CEACAM18: variants seen among roughly 807,000 people sequenced by gnomAD.
The protein encoded by CEACAM18 is CEA cell adhesion molecule 18.
In CEACAM18, 33 loss-of-function variants were observed where a neutral mutation model predicts 34.3. The ratio of observed to expected loss-of-function variants is 0.96; its 90% CI spans 0.73 to 1.29. The LOEUF (loss-of-function observed/expected upper bound fraction) is 1.29. Ranked by LOEUF, CEACAM18 falls within the 50% of genes most tolerant of loss-of-function variation. The probability of loss-of-function intolerance (pLI) is 0.00; values close to 1 mark genes in which losing one functional copy is unlikely to be tolerated. For missense variants in CEACAM18, 474 were observed against 485.0 expected (o/e 0.98, Z 0.21); for synonymous variants, 169 against 180.9 (o/e 0.93, Z 0.53).
chr19:51,480,291 C>G, intron 1 of CEACAM18, 42 bp from the exon 2 acceptor site: 1 of 1,467,182 alleles, frequency 6.8e-7, no homozygotes, highest in Non-Finnish European at 9.3e-7. Context: ...GTCTGAATCT[C>G]TTTGTGAATT....
chr19:51,483,326 T>G (rs1160950052), intron 4 of CEACAM18, 30 bp downstream of exon 4: 1 of 1,612,894 alleles, frequency 6.2e-7, no homozygotes, highest in South Asian at 1.1e-5. Context: ...GGCTCATGCT[T>G]TGCACATCTC....
intron 4 of CEACAM18, 60 bp from the exon 5 acceptor site, chr19:51,484,927 T>G (rs1289880294): frequency 2.0e-6 from 3 of 1,529,552 alleles, no homozygotes; most frequent in Non-Finnish European, 2.6e-6. Context: ...GGTGAAGAGA[T>G]GAGTGAATGC....
At position 51,480,510 on chromosome 19, in the gene CEACAM18, A is replaced by AACCG. The variant is rs1320947133; in HGVS notation, c.231_234dup (p.Pro79ThrfsTer32). On this transcript the variant is annotated frameshift_variant, in exon 2 of 6. Transcript: ENST00000396477. LOFTEE classifies it high-confidence loss of function. Reference sequence around the variant, plus strand: ...GCAGGAAACATGATTATCAGCCACAAACCGCCCAGTGCCCAGCAGCCTGGG... The same window carrying AACCG: ...GCAGGAAACATGATTATCAGCCACAAACCGACCGCCCAGTGCCCAGCAGCCTGGG... The AACCG allele has an allele frequency of 1.2e-6, 2 of 1,613,872 alleles. No individual in the cohort carries two copies. Among genetic ancestry groups the AACCG allele is most frequent in the African/African-American group, 1.3e-5 (1 of 74,922 alleles).
chr19:51,478,615 C>T (rs779284544), upstream of CEACAM18: 5 of 1,574,174 alleles, frequency 3.2e-6, no homozygotes, highest in African/African-American at 4.1e-5. Context: ...TGGAGGGACC[C>T]CTCCTCCTGG....
exon 4 of CEACAM18, chr19:51,483,111 C>G (rs370402442): frequency 1.2e-6 from 2 of 1,614,036 alleles, no homozygotes; most frequent in Non-Finnish European, 1.7e-6. Flanking sequence ...TGGAGTGTAT[C>G]TGCTATTCCT....
At chr19:51,482,527 C>G (rs1234279127) in intron 3 of CEACAM18, among the ~76,000 whole-genome samples, 1 of 152,176 alleles carries the variant, frequency 6.6e-6, no homozygotes, top group Non-Finnish European at 1.5e-5. Context: ...GGCTTGGAAC[C>G]AAGACCCAGG....
At chr19:51,486,142 T>C (rs1274776463) in intron 5 of CEACAM18, among the ~76,000 whole-genome samples, 1 of 152,076 alleles carries the variant, frequency 6.6e-6, no homozygotes, top group East Asian at 1.9e-4. Flanking sequence ...GTGGTGGTGA[T>C]AGTGGTGATG....
At chr19:51,490,184 T>C (rs960930892) in intron 5 of CEACAM18, among the ~76,000 whole-genome samples, 3 of 152,334 alleles carry the variant, frequency 2.0e-5, no homozygotes, top group African/African-American at 7.2e-5. Context: ...GTATCTGTCT[T>C]GCTTGGCTGT....
intron 5 of CEACAM18, 115 bp downstream of exon 5, chr19:51,485,237 T>C: frequency 9.1e-7 from 1 of 1,096,184 alleles, no homozygotes; most frequent in Non-Finnish European, 1.3e-6. Context: ...AGCCAGGAAC[T>C]AGGTTGTCAG....
intron 5 of CEACAM18, among the ~76,000 whole-genome samples, chr19:51,489,619 C>T (rs938974447): frequency 6.6e-6 from 1 of 152,052 alleles, no homozygotes; most frequent in Non-Finnish European, 1.5e-5. Flanking sequence ...ATTATATGGT[C>T]CCTTCACCAA....
exon 2 of CEACAM18, chr19:51,480,482 A>C: frequency 6.2e-7 from 1 of 1,613,958 alleles, no homozygotes; most frequent in Non-Finnish European, 8.5e-7. Context: ...TGCAAACGAC[A>C]GCGCAGGAAA....
intron 5 of CEACAM18, among the ~76,000 whole-genome samples, chr19:51,486,238 T>C (rs1175220987): frequency 6.6e-6 from 1 of 152,038 alleles, no homozygotes; most frequent in Non-Finnish European, 1.5e-5. Flanking sequence ...ATGGCCATAA[T>C]GGTGACAATA....
chr19:51,480,769 C>T, intron 2 of CEACAM18, 89 bp downstream of exon 2: 4 of 1,225,092 alleles, frequency 3.3e-6, no homozygotes, highest in Non-Finnish European at 3.4e-6. Context: ...AGCATGACAC[C>T]GGGAGTGGAA....
rs1441557347 is a variant in CEACAM18, at chr19:51,479,326, T to C, written c.52+632T>C. Among the ~76,000 whole-genome samples the C allele has an allele frequency of 2.0e-5, 3 of 152,128 alleles. No homozygotes were observed. In the East Asian group the frequency reaches 5.8e-4, roughly 29 times the overall value. On this transcript the variant is annotated intron_variant, in intron 1 of 5. Coordinates refer to ENST00000396477, the Ensembl canonical transcript of CEACAM18. ...GGACAACTGCCCATGTCATATGTGG[T>C]AACAGGCTGCCGCCTCCATTCACAC...
chr19:51,479,955 G>A (rs1989880785), intron 1 of CEACAM18, among the ~76,000 whole-genome samples: 1 of 152,218 alleles, frequency 6.6e-6, no homozygotes, highest in African/African-American at 2.4e-5. Context: ...GGCTGAGAGT[G>A]TTTCATATAC....
chr19:51,480,767 A>AGT, intron 2 of CEACAM18, 87 bp downstream of exon 2: 1 of 1,238,266 alleles, frequency 8.1e-7, no homozygotes. Flanking sequence ...AGAGCATGAC[A>AGT]CCGGGAGTGG....
chr19:51,483,429 C>G (rs754087427), intron 4 of CEACAM18, 133 bp downstream of exon 4: 4 of 1,111,092 alleles, frequency 3.6e-6, no homozygotes, highest in Admixed American at 4.2e-5. Flanking sequence ...TGAAATCTCC[C>G]AGTTCTCTGA....
At chr19:51,490,502 G>A in intron 5 of CEACAM18, 85 bp from the exon 6 acceptor site, 1 of 1,164,130 alleles carries the variant, frequency 8.6e-7, no homozygotes, top group African/African-American at 1.6e-5. Flanking sequence ...TGGGAAGTCG[G>A]GCCCCTTCAC....
At chr19:51,489,660 T>C (rs1355558696) in intron 5 of CEACAM18, among the ~76,000 whole-genome samples, 2 of 152,178 alleles carry the variant, frequency 1.3e-5, no homozygotes, top group African/African-American at 2.4e-5. Context: ...TACAGTGAGA[T>C]AGCAGGCAAT....
Sources: allele counts gnomAD v4.1 joint callset (sites outside exome capture counted in the v4.1 genomes callset), GRCh38; gene constraint gnomAD v4.1.1; transcripts MANE v1.5; gene names NCBI Gene and HGNC (gene_info 2026-07-23, HGNC 2026-07-21).